The following GRIK4 variants were observed in gnomAD, a reference collection of about 807,000 sequenced individuals.
The protein encoded by GRIK4 is glutamate ionotropic receptor kainate type subunit 4.
Under a neutral mutation model 104.9 loss-of-function variants are expected in GRIK4, and 40 were observed. The ratio of observed to expected loss-of-function variants is 0.38; its 90% CI spans 0.30 to 0.50. GRIK4 has a LOEUF of 0.50. Ranked by LOEUF, GRIK4 falls within the 20% of genes least tolerant of loss-of-function variation. GRIK4 has a pLI of 0.93. For missense variants in GRIK4, 1,047 were observed against 1,308.1 expected (o/e 0.80, Z 3.08); for synonymous variants, 485 against 524.9 (o/e 0.92, Z 1.04).
At chr11:120,657,843 A>G (rs554427710) in intron 2 of GRIK4, among the ~76,000 whole-genome samples, 80 of 152,346 alleles carry the variant, frequency 5.3e-4, no homozygotes, top group Middle Eastern at 3.4e-3. Flanking sequence ...CATAACACAC[A>G]TAAGGAAAAG....
chr11:120,841,959 T>A (rs1953728516), intron 8 of GRIK4, among the ~76,000 whole-genome samples: 1 of 152,182 alleles, frequency 6.6e-6, no homozygotes. Flanking sequence ...AATCACATCC[T>A]TACAATCAGT....
At chr11:120,565,398 G>A (rs963768523) in intron 1 of GRIK4, among the ~76,000 whole-genome samples, 1 of 152,248 alleles carries the variant, frequency 6.6e-6, no homozygotes, top group Non-Finnish European at 1.5e-5. Flanking sequence ...CGCTGGACAA[G>A]TTGTTACAAC....
intron 16 of GRIK4, among the ~76,000 whole-genome samples, chr11:120,958,579 G>T (rs538446896): frequency 6.6e-6 from 1 of 152,226 alleles, no homozygotes; most frequent in African/African-American, 2.4e-5. Flanking sequence ...ACACCATGTC[G>T]CTGGAGAGAA....
In GRIK4 at chr11:120,976,245, C is replaced by T. The variant is rs142824768; in HGVS notation, c.2396-5861C>T. 2.9e-3 allele frequency among the ~76,000 whole-genome samples: 447 copies of T among 152,268 alleles called. 2 individuals are homozygous for T. The highest frequency in any genetic ancestry group is 3.9e-3 in the African/African-American group (162 of 41,572). ...GGATTATAAGCAACCTCCCATAGCT[C>T]GTGTTTGGATAAATTGCAAAATTTA... On this transcript the variant is annotated intron_variant, in intron 19 of 20. Transcript: ENST00000527524.
intron 11 of GRIK4, among the ~76,000 whole-genome samples, chr11:120,891,960 A>G (rs1955313032): frequency 6.6e-6 from 1 of 152,214 alleles, no homozygotes; most frequent in African/African-American, 2.4e-5. Context: ...GCTTTTGTAG[A>G]TGAAAGCAGT....
chr11:120,567,315 A>G (rs1948343219), intron 1 of GRIK4, among the ~76,000 whole-genome samples: 1 of 151,464 alleles, frequency 6.6e-6, no homozygotes, highest in African/African-American at 2.4e-5. Context: ...GTGTGCCACT[A>G]CGCCCAGCTA....
Position 120,701,373 on chromosome 11 carries a change from A to G in GRIK4, c.82+40973A>G, listed in dbSNP as rs577678430. 5.3e-5 allele frequency among the ~76,000 whole-genome samples: 8 copies of G among 152,248 alleles called. No individual in the cohort carries two copies. The South Asian group carries it at 6.2e-4, about 12-fold the overall frequency. On this transcript the variant is annotated intron_variant, in intron 3 of 20. Transcript: ENST00000527524. ...ATTCCACATTTAAGTGAGATCATGCAATATTTCTCTTTCTGTGTCTAGCTT... is the reference window on the plus strand; with the variant it reads ...ATTCCACATTTAAGTGAGATCATGCGATATTTCTCTTTCTGTGTCTAGCTT...
At chr11:120,867,473 A>G (rs1954453114) in intron 9 of GRIK4, among the ~76,000 whole-genome samples, 1 of 151,896 alleles carries the variant, frequency 6.6e-6, no homozygotes, top group African/African-American at 2.4e-5. Context: ...TTTTCTCCGT[A>G]ACCTTCTTTT....
At position 120,754,123 on chromosome 11, in the gene GRIK4, C is replaced by T. The variant is rs113481668; in HGVS notation, c.83-48570C>T. On this transcript the variant is annotated intron_variant, in intron 3 of 20. Transcript: ENST00000527524. ...TTGACTCATTGCAACCTCCACTTCC[C>T]GAGTTCAAGTGATTCTCCTGCCCCA... Among the ~76,000 whole-genome samples, 518 of 152,224 alleles carry T rather than the reference C, an allele frequency of 3.4e-3. 4 individuals carry two copies. Among genetic ancestry groups the T allele is most frequent in the African/African-American group, 0.012 (483 of 41,518 alleles).
At chr11:120,604,628 G>T (rs1462525239) in intron 1 of GRIK4, among the ~76,000 whole-genome samples, 1 of 152,212 alleles carries the variant, frequency 6.6e-6, no homozygotes, top group Non-Finnish European at 1.5e-5. Flanking sequence ...TGGGAGTGGT[G>T]AGAAACAGCA....
intron 3 of GRIK4, among the ~76,000 whole-genome samples, chr11:120,675,442 T>G (rs1051985019): frequency 6.6e-6 from 1 of 152,252 alleles, no homozygotes; most frequent in African/African-American, 2.4e-5. Flanking sequence ...TCATCCATTC[T>G]CACACTCAAT....
chr11:120,591,709 TTG>T lies in GRIK4; in HGVS notation c.-158-61970_-158-61969del, dbSNP rs577634886. On this transcript the variant is annotated intron_variant, in intron 1 of 20. Transcript: ENST00000527524. ...TGTCTCTTTGTCCTAGACAGCTCTG[TTG>T]TGTGTTTGCCTATGGATTGATGCTC... Among the ~76,000 whole-genome samples the T allele has an allele frequency of 2.0e-3, 300 of 152,252 alleles. 1 individual carries two copies. The highest frequency in any genetic ancestry group is 7.0e-3 in the African/African-American group (289 of 41,528).
At chr11:120,779,925 T>C (rs1802631120) in intron 3 of GRIK4, among the ~76,000 whole-genome samples, 1 of 152,236 alleles carries the variant, frequency 6.6e-6, no homozygotes, top group African/African-American at 2.4e-5. Context: ...TTCCTCAACA[T>C]GTCTGCTGTG....
intron 1 of GRIK4, among the ~76,000 whole-genome samples, chr11:120,552,543 G>T (rs755723981): frequency 6.6e-6 from 1 of 152,182 alleles, no homozygotes; most frequent in Non-Finnish European, 1.5e-5. Context: ...GAGGGCACAG[G>T]ATGCTGTTGA....
At chr11:120,836,755 G>T in intron 7 of GRIK4, 36 bp from the exon 8 acceptor site, 1 of 1,515,892 alleles carries the variant, frequency 6.6e-7, no homozygotes, top group Non-Finnish European at 9.2e-7. Flanking sequence ...GTGAGTTTTT[G>T]TTTTCTTCTC....
At chr11:120,817,957 T>C (rs1953004693) in intron 5 of GRIK4, among the ~76,000 whole-genome samples, 1 of 152,258 alleles carries the variant, frequency 6.6e-6, no homozygotes, top group Admixed American at 6.5e-5. Flanking sequence ...CATTTTATCC[T>C]CCCAGAGCTC....
chr11:120,828,483 C>G (rs1160976827), intron 6 of GRIK4, among the ~76,000 whole-genome samples: 1 of 152,038 alleles, frequency 6.6e-6, no homozygotes, highest in African/African-American at 2.4e-5. Context: ...GTTTGTTAAG[C>G]CCCTTGTAGT....
intron 1 of GRIK4, among the ~76,000 whole-genome samples, chr11:120,614,726 G>A (rs186141290): frequency 2.0e-5 from 3 of 152,214 alleles, no homozygotes; most frequent in Non-Finnish European, 4.4e-5. Context: ...TTGGCTGGGC[G>A]CGGTGGCTCA....
In GRIK4 at chr11:120,967,206, C is replaced by T. The variant is rs1270557423; in HGVS notation, c.2278C>T (p.Arg760Trp). The change falls in exon 19 of 21, where the codon CGG becomes TGG. Residue 760 changes from arginine (R) to tryptophan (W), a missense_variant. Transcript: ENST00000527524. The surrounding 1 kb of genome is among the most constrained non-coding windows in gnomAD (Gnocchi z 4.2). ...GIGMPVGSVF[R>W]DEFDLAILQL... ...CGTAACCCCCGCAGGCTCGGTTTTC[C>T]GGGACGAGTTTGATCTGGCCATTCT... The T allele has an allele frequency of 1.9e-6, 3 of 1,612,966 alleles. No individual in the cohort carries two copies. Among genetic ancestry groups the T allele is most frequent in the African/African-American group, 1.3e-5 (1 of 74,882 alleles).
Sources: gnomAD v4.1 joint callset for allele counts (sites outside exome capture counted in the v4.1 genomes callset) on GRCh38, gnomAD v4.1.1 for gene constraint, Gnocchi (gnomAD v3.1) non-coding constraint, MANE v1.5 for transcripts, NCBI Gene and HGNC (gene_info 2026-07-23, HGNC 2026-07-21) for gene names.